The following SCUBE3 variants were observed in gnomAD, a reference collection of about 807,000 sequenced individuals.
SCUBE3 encodes the protein signal peptide, CUB domain and EGF like domain containing 3.
Under a neutral mutation model 116.8 loss-of-function variants are expected in SCUBE3, and 33 were observed. The ratio of observed to expected loss-of-function variants is 0.28; its 90% CI spans 0.21 to 0.38. The LOEUF is 0.38. SCUBE3 is among the 10% of genes least tolerant of loss of function. The pLI is 1.00. For missense variants in SCUBE3, 1,007 were observed against 1,324.8 expected, an observed-to-expected ratio of 0.76 and a Z score of 3.72; for synonymous variants, 418 against 496.9, an observed-to-expected ratio of 0.84 and a Z score of 2.11.
chr6:35,245,780 C>CA lies in SCUBE3; in HGVS notation c.2600-162dup, dbSNP rs1784310017. Among the ~76,000 whole-genome samples, 1 of 152,180 alleles carries CA rather than the reference C, an allele frequency of 6.6e-6. No homozygotes were observed. Among genetic ancestry groups the CA allele is most frequent in the Non-Finnish European group, 1.5e-5 (1 of 67,986 alleles). On this transcript the variant is annotated intron_variant, in intron 19 of 21. Coordinates refer to ENST00000274938, the MANE Select transcript of SCUBE3 (RefSeq NM_152753.4). The surrounding 1 kb of genome is among the most constrained non-coding windows in gnomAD (Gnocchi z 4.2). ...GGAATTGTGGAATGAGCCCAGTGGG[C>CA]AATGGGAGAGGGTGTGGGGTAGGGT... is the stretch of plus-strand genomic sequence containing the variant.
chr6:35,248,834 A>G lies in SCUBE3; in HGVS notation c.*129A>G, dbSNP rs1562063558. 5.6e-6 allele frequency: 4 copies of G among 708,650 alleles called. No individual in the cohort carries two copies. The highest frequency in any genetic ancestry group is 1.8e-5 in the African/African-American group (1 of 56,210). 43.9% of individuals were successfully genotyped at this position (708,650 alleles called of 1,614,324 possible). A position where few individuals can be genotyped will look rare whatever the true frequency, so the allele number is the denominator to read the frequency against. ...GGAGGGAAAAAAAAAATATCACTACACAAACCAGGCACTCTCCCTTTCTGT... is the reference window on the plus strand; with the variant it reads ...GGAGGGAAAAAAAAAATATCACTACGCAAACCAGGCACTCTCCCTTTCTGT... On this transcript the variant is annotated 3_prime_UTR_variant, in exon 22 of 22. Coordinates refer to ENST00000274938, the MANE Select transcript of SCUBE3 (RefSeq NM_152753.4).
intron 3 of SCUBE3, among the ~76,000 whole-genome samples, chr6:35,229,071 G>A (rs2150294680): frequency 6.6e-6 from 1 of 152,186 alleles, no homozygotes; most frequent in Non-Finnish European, 1.5e-5. Context: ...TTGGGTCTTG[G>A]GCAAATCAGC....
chr6:35,246,318 A>G, intron 21 of SCUBE3, 33 bp downstream of exon 21: 2 of 1,457,614 alleles, frequency 1.4e-6, no homozygotes, highest in Non-Finnish European at 1.9e-6. Context: ...GATAGCTAAC[A>G]TTTAATAAGC....
Position 35,245,358 on chromosome 6 carries a change from C to G in SCUBE3, c.2532C>G (p.Ile844Met), listed in dbSNP as rs375292197. ...INPPPKRKIL[I>M]VVPEIFLPSE... ...CCCCACCCAAGCGCAAGATCCTTAT[C>G]GTGGTACCAGAGATCTTCCTGCCAT... The change falls in exon 19 of 22, where the codon ATC becomes ATG. Residue 844 changes from isoleucine to methionine, a missense_variant. Ile to Met is a conservative substitution (Grantham distance 10). Coordinates refer to ENST00000274938, the MANE Select transcript of SCUBE3 (RefSeq NM_152753.4). The surrounding 1 kb of genome is among the most constrained non-coding windows in gnomAD (Gnocchi z 4.2). 12 of 1,614,158 alleles carry G rather than the reference C, an allele frequency of 7.4e-6. No individual in the cohort carries two copies. The highest frequency in any genetic ancestry group is 1.0e-5 in the Non-Finnish European group (12 of 1,180,022).
In SCUBE3 at chr6:35,244,138, A is replaced by G. The variant is rs771949338; in HGVS notation, c.2239+8A>G. On this transcript the variant is annotated splice_region_variant and intron_variant, in intron 17 of 21. Coordinates refer to ENST00000274938, the MANE Select transcript of SCUBE3 (RefSeq NM_152753.4). This position sits in a 1 kb window ranked among gnomAD's most constrained non-coding sequence, Gnocchi z 4.3. Reference sequence around the variant, plus strand: ...AAGACTGTGACACCAAAGGTGAGTAAGCTACTCACCTCCCTGGGGGATGCC... The same window carrying G: ...AAGACTGTGACACCAAAGGTGAGTAGGCTACTCACCTCCCTGGGGGATGCC... 6.2e-7 allele frequency: 1 copy of G among 1,608,924 alleles called. No homozygotes were observed. The highest frequency in any genetic ancestry group is 1.1e-5 in the South Asian group (1 of 90,680).
intron 1 of SCUBE3, among the ~76,000 whole-genome samples, chr6:35,215,030 A>G (rs942784296): frequency 6.6e-6 from 1 of 152,116 alleles, no homozygotes; most frequent in African/African-American, 2.4e-5. Flanking sequence ...AAATCAACTC[A>G]TCTCTCACCG....
Position 35,239,153 on chromosome 6 carries a change from G to C in SCUBE3, c.830-599G>C. 6.6e-6 allele frequency among the ~76,000 whole-genome samples: 1 copy of C among 151,862 alleles called. No individual in the cohort carries two copies. The highest frequency in any genetic ancestry group is 1.5e-5 in the Non-Finnish European group (1 of 67,944). On this transcript the variant is annotated intron_variant, in intron 7 of 21. Transcript: ENST00000274938. The surrounding 1 kb of genome is among the most constrained non-coding windows in gnomAD (Gnocchi z 4.1). ...CCTGAGTCTCTCCAGATCTCTCCCA[G>C]TCCAGCCCCTTGCCTGGCCCCCAGC...
chr6:35,228,481 T>C lies in SCUBE3; in HGVS notation c.209-133T>C. On this transcript the variant is annotated intron_variant, in intron 2 of 21. Transcript: ENST00000274938. This position sits in a 1 kb window ranked among gnomAD's most constrained non-coding sequence, Gnocchi z 4.9. Reference sequence around the variant, plus strand: ...AAAATGTTCATGACTTAGGTTTAAATGAAAACAGAAAAATGCTAAATGGCT... The same window carrying C: ...AAAATGTTCATGACTTAGGTTTAAACGAAAACAGAAAAATGCTAAATGGCT... 1.2e-6 allele frequency: 1 copy of C among 806,828 alleles called. No homozygotes were observed. 50.0% of individuals were successfully genotyped at this position (806,828 alleles called of 1,614,324 possible). A position where few individuals can be genotyped will look rare whatever the true frequency, so the allele number is the denominator to read the frequency against.
chr6:35,251,969 C>T lies in SCUBE3; in HGVS notation c.*3264C>T, dbSNP rs1018737407. The T allele has an allele frequency of 1.3e-5, 2 of 152,172 alleles. No individual in the cohort carries two copies. Among genetic ancestry groups the T allele is most frequent in the Non-Finnish European group, 2.9e-5 (2 of 68,070 alleles). The allele number at this position is 152,172 out of a possible 1,614,324, so 9.4% of individuals were successfully genotyped here. ...AATAGGATCCCTTCATGAAGCAACC[C>T]AGAGGCCTCTCTGCAGCGTGTAGGG... On this transcript the variant is annotated 3_prime_UTR_variant, in exon 22 of 22. Coordinates refer to ENST00000274938, the MANE Select transcript of SCUBE3 (RefSeq NM_152753.4).
chr6:35,230,740 C>T (rs1302370215), intron 3 of SCUBE3, among the ~76,000 whole-genome samples: 1 of 152,134 alleles, frequency 6.6e-6, no homozygotes, highest in Non-Finnish European at 1.5e-5. Context: ...TCTGCCCTGG[C>T]CAGAAGGGGA....
rs908803531 is a variant in SCUBE3 at position 35,246,794 on chromosome 6, G to A, written c.2832+509G>A. Among the ~76,000 whole-genome samples the A allele has an allele frequency of 9.3e-5, 14 of 150,434 alleles. No homozygotes were observed. The East Asian group carries it at 2.8e-3, about 30-fold the overall frequency. The stretch of plus-strand genomic sequence containing the variant: ...AGTTTGAGACCAGCCTGGCCAACAT[G>A]GTGAAACCTCGTCTTAATTTTGTAA... On this transcript the variant is annotated intron_variant, in intron 21 of 21. Transcript: ENST00000274938.
In SCUBE3 at chr6:35,241,628, G is replaced by A. The variant is rs1346383108; in HGVS notation, c.1281G>A (p.Leu427=). The A allele has an allele frequency of 2.5e-6, 4 of 1,613,870 alleles. No homozygotes were observed. The African/African-American group carries it at 5.3e-5, about 22-fold the overall frequency. ...CTGGCAAGAAGGACACCTGTGCCCT[G>A]ACCTGTCCCTCCAGGGCCCGATTTT... is the stretch of plus-strand genomic sequence containing the variant. ...NRSGKKDTCA[L]TCPSRARFLP... The change falls in exon 11 of 22, where the codon CTG becomes CTA. Residue 427 remains leucine (L), a synonymous_variant. Coordinates refer to ENST00000274938, the MANE Select transcript of SCUBE3 (RefSeq NM_152753.4). The surrounding 1 kb of genome is among the most constrained non-coding windows in gnomAD (Gnocchi z 4.1).
In SCUBE3 at chr6:35,246,238, C is replaced by T. The variant is rs1397172310; in HGVS notation, c.2785C>T (p.Arg929Ter). The change falls in exon 21 of 22, where the codon CGA becomes TGA. Residue 929 changes from arginine (R) to a stop codon, truncating the protein, a stop_gained. Transcript: ENST00000274938. LOFTEE classifies it high-confidence loss of function. Reference sequence around the variant, plus strand: ...TGAGCAGCTGGTAGAAGACATTGTGCGAGATGGCCGGCTCTATGCCTCTGA... The same window carrying T: ...TGAGCAGCTGGTAGAAGACATTGTGTGAGATGGCCGGCTCTATGCCTCTGA... ...DYEQLVEDIV[R>*]DGRLYASENH... The T allele has an allele frequency of 1.9e-6, 3 of 1,614,016 alleles. No homozygotes were observed. Among genetic ancestry groups the T allele is most frequent in the African/African-American group, 1.3e-5 (1 of 74,998 alleles).
At chr6:35,234,865 TGGCCAAATGAGGCAGAAAA>T (rs1235584095) in intron 6 of SCUBE3, among the ~76,000 whole-genome samples, 39 of 152,228 alleles carry the variant, frequency 2.6e-4, no homozygotes, top group African/African-American at 7.5e-4. Context: ...CACTGGGCTG[TGGCCAAATGAGGCAGAAAA>T]GGCCAAATGA....
Position 35,214,434 on chromosome 6 carries a change from G to A in SCUBE3, c.16G>A (p.Val6Ile). Residue 6 changes from valine (V) to isoleucine (I), a missense_variant, in exon 1 of 22, where the codon GTA becomes ATA. Around this residue, in one of 5 missense-constraint regions of SCUBE3, gnomAD observed 94 missense variants for 92.0 expected, o/e 1.02. Transcript: ENST00000274938. The surrounding 1 kb of genome is among the most constrained non-coding windows in gnomAD (Gnocchi z 6.3). MGSGR[V>I]PGLCLLVLLV... ...AGCTCCAGCCATGGGCTCGGGGCGC[G>A]TACCCGGGCTCTGCCTGCTTGTCCT... The A allele has an allele frequency of 2.7e-6, 4 of 1,475,542 alleles. No individual in the cohort carries two copies. The highest frequency in any genetic ancestry group is 3.6e-6 in the Non-Finnish European group (4 of 1,115,318). 91.4% of individuals were successfully genotyped at this position (1,475,542 alleles called of 1,614,324 possible).
chr6:35,214,317 GC>G lies in SCUBE3; in HGVS notation c.-97del. On this transcript the variant is annotated 5_prime_UTR_variant, in exon 1 of 22. Coordinates refer to ENST00000274938, the MANE Select transcript of SCUBE3 (RefSeq NM_152753.4). The surrounding 1 kb of genome is among the most constrained non-coding windows in gnomAD (Gnocchi z 6.3). Reference sequence around the variant, plus strand: ...GCCCCCGGCCTGGCCCCGGCGGGGCGCCCCCTCCCCTCCCCCTCCTGCGAGC... The same window carrying G: ...GCCCCCGGCCTGGCCCCGGCGGGGCGCCCCTCCCCTCCCCCTCCTGCGAGC... 1.6e-6 allele frequency: 1 copy of G among 622,894 alleles called. No homozygotes were observed. Among genetic ancestry groups the G allele is most frequent in the East Asian group, 3.7e-5 (1 of 26,910 alleles). The allele number at this position is 622,894 out of a possible 1,614,324, so 38.6% of individuals were successfully genotyped here.
At position 35,228,272 on chromosome 6, in the gene SCUBE3, T is replaced by G. The variant is rs1783405887; in HGVS notation, c.209-342T>G. ...AAGGTATTTCCTTTGATCCAGGAATTTTACTCTTGGGGACTTATTCAAAGT... is the reference window on the plus strand; with the variant it reads ...AAGGTATTTCCTTTGATCCAGGAATGTTACTCTTGGGGACTTATTCAAAGT... On this transcript the variant is annotated intron_variant, in intron 2 of 21. Transcript: ENST00000274938. This position sits in a 1 kb window ranked among gnomAD's most constrained non-coding sequence, Gnocchi z 4.9. Among the ~76,000 whole-genome samples, 1 of 152,170 alleles carries G rather than the reference T, an allele frequency of 6.6e-6. No individual in the cohort carries two copies. The highest frequency in any genetic ancestry group is 1.5e-5 in the Non-Finnish European group (1 of 68,022).
intron 2 of SCUBE3, 47 bp downstream of exon 2, chr6:35,227,749 C>G: frequency 6.2e-7 from 1 of 1,605,884 alleles, no homozygotes; most frequent in Non-Finnish European, 8.5e-7. Context: ...TGGAAGAAGG[C>G]AAACCAGTGC....
rs756648111 is a variant in SCUBE3, at chr6:35,239,831, C to G, written c.909C>G (p.Cys303Trp). Residue 303 changes from cysteine (C) to tryptophan (W), a missense_variant, in exon 8 of 22, where the codon TGC becomes TGG. Cys to Trp is a radical substitution (Grantham distance 215). Around this residue, in one of 5 missense-constraint regions of SCUBE3, gnomAD observed 214 missense variants for 316.7 expected, o/e 0.68. Coordinates refer to ENST00000274938, the MANE Select transcript of SCUBE3 (RefSeq NM_152753.4). The surrounding 1 kb of genome is among the most constrained non-coding windows in gnomAD (Gnocchi z 4.1). The part of the protein sequence containing the change: ...RNTVGSFECS[C>W]KKGYKLLINE... ...CAGTGGGCAGCTTCGAATGCAGTTGCAAGAAAGGCTATAAGCTTCTCATCA... is the reference window on the plus strand; with the variant it reads ...CAGTGGGCAGCTTCGAATGCAGTTGGAAGAAAGGCTATAAGCTTCTCATCA... 6.2e-7 allele frequency: 1 copy of G among 1,611,290 alleles called. No individual in the cohort carries two copies. Among genetic ancestry groups the G allele is most frequent in the Non-Finnish European group, 8.5e-7 (1 of 1,179,124 alleles).
Sources: allele counts gnomAD v4.1 joint callset (sites outside exome capture counted in the v4.1 genomes callset), GRCh38; gene constraint gnomAD v4.1.1; regional missense constraint gnomAD v4.1.1; non-coding constraint Gnocchi (gnomAD v3.1); transcripts MANE v1.5; gene names NCBI Gene and HGNC (gene_info 2026-07-23, HGNC 2026-07-21).